Variants in ACY1 observed in about 807,000 individuals in gnomAD.
ACY1 encodes aminoacylase-1.
ACY1 carries 38 observed loss-of-function variants against 53.3 expected under a neutral mutation model. The ratio of observed to expected loss-of-function variants is 0.71; its 90% CI spans 0.55 to 0.93. The LOEUF is 0.93. ACY1 is among the 40% of genes least tolerant of loss of function. The pLI is 0.00. For synonymous variants in ACY1, 177 were observed against 202.1 expected (o/e 0.88, Z 1.05); for missense variants, 484 against 540.9 (o/e 0.89, Z 1.04).
In ACY1 at chr3:51,988,563, A is replaced by G. The variant is rs1033344901; in HGVS notation, c.961A>G (p.Asn321Asp). The change falls in exon 13 of 15, where the codon AAC becomes GAC. Residue 321 changes from asparagine (N) to aspartate (D), a missense_variant. Physicochemically the swap from Asn to Asp is conservative, Grantham distance 23. Coordinates refer to ENST00000636358, the MANE Select transcript of ACY1 (RefSeq NM_000666.3). ...HPQVTPTDDS[N>D]PWWAAFSRVC... ...CCAAGTGACACCTACTGATGACTCA[A>G]ACCCTTGGTGGGCAGCTTTTAGCCG... 1.2e-6 allele frequency: 2 copies of G among 1,614,016 alleles called. No individual in the cohort carries two copies. Among genetic ancestry groups the G allele is most frequent in the Admixed American group, 3.3e-5 (2 of 60,000 alleles).
chr3:51,984,071 A>G lies in ACY1; in HGVS notation c.7A>G (p.Ser3Gly). 1 of 1,613,428 alleles carries G rather than the reference A, an allele frequency of 6.2e-7. No homozygotes were observed. The highest frequency in any genetic ancestry group is 1.7e-4 in the Middle Eastern group (1 of 6,060). ...GCTCACCACGCGCAGCGCCATGACC[A>G]GCAAGGGTCCCGAGGAGGAGCACCC... MT[S>G]KGPEEEHPSV... is the part of the protein sequence containing the mutation. The change falls in exon 2 of 15, where the codon AGC becomes GGC. Residue 3 changes from serine (S) to glycine (G), a missense_variant. Coordinates refer to ENST00000636358, the MANE Select transcript of ACY1 (RefSeq NM_000666.3).
At chr3:51,985,658 TG>T (rs1239634802) in intron 4 of ACY1, among the ~76,000 whole-genome samples, 193 bp downstream of exon 4, 1 of 141,930 alleles carries the variant, frequency 7.0e-6, no homozygotes, top group Non-Finnish European at 1.5e-5. Context: ...GGGTGGGGAC[TG>T]GGGGGTGGGA....
At chr3:51,987,856 T>C in intron 12 of ACY1, 2 of 547,334 alleles carry the variant, frequency 3.7e-6, no homozygotes, top group South Asian at 4.4e-5. Context: ...AACGGGGAGA[T>C]ATAAATCAAA....
intron 2 of ACY1, 167 bp downstream of exon 2, chr3:51,984,325 C>A: frequency 1.4e-6 from 1 of 697,506 alleles, no homozygotes; most frequent in South Asian, 1.6e-5. Context: ...GGCAGCCCCT[C>A]CAGGTTAGGG....
Position 51,988,904 on chromosome 3 carries a change from C to G in ACY1, c.1063-7C>G, listed in dbSNP as rs753772093. The G allele has an allele frequency of 5.6e-6, 9 of 1,614,084 alleles. No individual in the cohort carries two copies. The African/African-American group carries it at 9.3e-5, about 17-fold the overall frequency. On this transcript the variant is annotated splice_polypyrimidine_tract_variant and splice_region_variant and intron_variant, in intron 14 of 14. Transcript: ENST00000636358. ...TTTTCCCTAACGGCTCTTCCTCACC[C>G]CTGCAGGTGGGGGTCCCAGCTCTAG...
At chr3:51,986,180 A>G in intron 5 of ACY1, 75 bp from the exon 6 acceptor site, 1 of 1,496,624 alleles carries the variant, frequency 6.7e-7, no homozygotes, top group Non-Finnish European at 9.2e-7. Flanking sequence ...ACAGGACTCC[A>G]GCCTGCTGGC....
Position 51,986,467 on chromosome 3 carries a change from G to A in ACY1, c.489G>A (p.Glu163=), listed in dbSNP as rs139260677. The change falls in exon 7 of 15, where the codon GAG becomes GAA. Residue 163 remains glutamate, a synonymous_variant. Coordinates refer to ENST00000636358, the MANE Select transcript of ACY1 (RefSeq NM_000666.3). ...TGGAGCTGTTCGTGCAGCGGCCTGA[G>A]TTCCACGCCCTGAGGGCAGGCTTTG... ...QGMELFVQRP[E]FHALRAGFAL... 3.1e-6 allele frequency: 5 copies of A among 1,613,776 alleles called. No homozygotes were observed. In the African/African-American group the frequency reaches 6.7e-5, roughly 22 times the overall value.
Position 51,983,605 on chromosome 3 carries a change from A to G in ACY1, c.-19+16A>G. 1 of 229,782 alleles carries G rather than the reference A, an allele frequency of 4.4e-6. No individual in the cohort carries two copies. Among genetic ancestry groups the G allele is most frequent in the Non-Finnish European group, 8.7e-6 (1 of 114,484 alleles). 14.2% of individuals were successfully genotyped at this position (229,782 alleles called of 1,614,324 possible). ...GGAGAGTGAGGTGGGGGCCCTGGGG[A>G]GGGATAGAGGGACTGGGGCTCCGTG... On this transcript the variant is annotated intron_variant, in intron 1 of 14. Coordinates refer to ENST00000636358, the MANE Select transcript of ACY1 (RefSeq NM_000666.3).
chr3:51,983,778 C>A (rs1700965129), intron 1 of ACY1, among the ~76,000 whole-genome samples, 189 bp downstream of exon 1: 2 of 151,978 alleles, frequency 1.3e-5, no homozygotes, highest in Non-Finnish European at 2.9e-5. Context: ...TGTCCTTGAA[C>A]CTCTCTGAGC....
intron 5 of ACY1, 97 bp downstream of exon 5, chr3:51,986,043 G>C: frequency 1.6e-6 from 2 of 1,261,820 alleles, no homozygotes; most frequent in Non-Finnish European, 2.3e-6. Flanking sequence ...TCAAGGCCAA[G>C]GAACACCGTG....
intron 12 of ACY1, 56 bp from the exon 13 acceptor site, chr3:51,988,468 A>G (rs778835758): frequency 3.7e-5 from 57 of 1,531,148 alleles, no homozygotes; most frequent in Non-Finnish European, 5.1e-5. Context: ...TCTATGGGAA[A>G]TAGGGCAAGA....
rs777725907 is a variant in ACY1 at position 51,985,347 on chromosome 3, C to G, written c.160-14C>G. 4 of 1,614,152 alleles carry G rather than the reference C, an allele frequency of 2.5e-6. No homozygotes were observed. Among genetic ancestry groups the G allele is most frequent in the Non-Finnish European group, 2.5e-6 (3 of 1,180,018 alleles). On this transcript the variant is annotated splice_polypyrimidine_tract_variant and intron_variant, in intron 3 of 14. Transcript: ENST00000636358. ...CACCCTGCTCAGACCACCTACCCTC[C>G]TGACCATCTCCAGGTGGCACCTGGC... is the stretch of plus-strand genomic sequence containing the variant.
chr3:51,983,844 C>G (rs1320331771), intron 1 of ACY1, among the ~76,000 whole-genome samples: 1 of 152,010 alleles, frequency 6.6e-6, no homozygotes, highest in Non-Finnish European at 1.5e-5. Flanking sequence ...TCATGGGGCT[C>G]TTTTGGGGAT....
At chr3:51,983,918 T>C in intron 1 of ACY1, 129 bp from the exon 2 acceptor site, 1 of 716,868 alleles carries the variant, frequency 1.4e-6, no homozygotes, top group Non-Finnish European at 2.5e-6. Context: ...TGCTCCTTAA[T>C]GGGGGCTCCG....
Position 51,987,632 on chromosome 3 carries a change from C to T in ACY1, c.921+8C>T. The T allele has an allele frequency of 1.2e-6, 2 of 1,613,618 alleles. No individual in the cohort carries two copies. The highest frequency in any genetic ancestry group is 1.7e-6 in the Non-Finnish European group (2 of 1,179,758). On this transcript the variant is annotated splice_region_variant and intron_variant, in intron 12 of 14. Transcript: ENST00000636358. ...ACCCTAGAGTTTGCTCAGGTATGGA[C>T]TTGGGACATGTGATGGGAGAGTGTG...
At position 51,987,636 on chromosome 3, in the gene ACY1, G is replaced by A; in HGVS notation, c.921+12G>A. The stretch of plus-strand genomic sequence containing the variant: ...TAGAGTTTGCTCAGGTATGGACTTG[G>A]GACATGTGATGGGAGAGTGTGGGAG... On this transcript the variant is annotated intron_variant, in intron 12 of 14. Transcript: ENST00000636358. 1 of 1,613,460 alleles carries A rather than the reference G, an allele frequency of 6.2e-7. No homozygotes were observed. The highest frequency in any genetic ancestry group is 8.5e-7 in the Non-Finnish European group (1 of 1,179,660).
Position 51,985,426 on chromosome 3 carries a change from C to T in ACY1, c.225C>T (p.Ile75=), listed in dbSNP as rs565452623. The T allele has an allele frequency of 6.2e-7, 1 of 1,614,154 alleles. No individual in the cohort carries two copies. Among genetic ancestry groups the T allele is most frequent in the African/African-American group, 1.3e-5 (1 of 75,036 alleles). The change falls in exon 4 of 15, where the codon ATC becomes ATT. Residue 75 remains isoleucine, a synonymous_variant. Coordinates refer to ENST00000636358, the MANE Select transcript of ACY1 (RefSeq NM_000666.3). The part of the protein sequence containing the change: ...WPGTNPTLSS[I]LLNSHTDVVP... ...GCACCAACCCTACACTCTCCTCCAT[C>T]TTGCTCAACTCCCACACGGATGTGG...
chr3:51,987,748 AT>A, intron 12 of ACY1, 124 bp downstream of exon 12: 1 of 1,065,572 alleles, frequency 9.4e-7, no homozygotes, highest in Non-Finnish European at 1.4e-6. Context: ...TGACAGACAC[AT>A]TTTATTCCAA....
rs374697368 is a variant in ACY1 at position 51,986,607 on chromosome 3, A to G, written c.529A>G (p.Ile177Val). The change falls in exon 8 of 15, where the codon ATA becomes GTA. Residue 177 changes from isoleucine (I) to valine (V), a missense_variant and splice_region_variant. Ile to Val is a conservative substitution (Grantham distance 29, BLOSUM62 3). Transcript: ENST00000636358. ...LRAGFALDEG[I>V]ANPTDAFTVF... ...CTGAACCCCCTTTCCCTCCTCAGGC[A>G]TAGCCAATCCCACTGATGCCTTCAC... 61 of 1,614,196 alleles carry G rather than the reference A, an allele frequency of 3.8e-5. 1 individual carries two copies. In the South Asian group the frequency reaches 4.8e-4, roughly 13 times the overall value.
Sources: gnomAD v4.1 joint callset for allele counts (sites outside exome capture counted in the v4.1 genomes callset) on GRCh38, gnomAD v4.1.1 for gene constraint, MANE v1.5 for transcripts, NCBI Gene and HGNC (gene_info 2026-07-23, HGNC 2026-07-21) for gene names.